The following TENM1 variants were observed in gnomAD, a reference collection of about 807,000 sequenced individuals.
The protein encoded by TENM1 is teneurin-1.
TENM1 carries 35 observed loss-of-function variants against 174.8 expected under a neutral mutation model. That is an observed-to-expected ratio of 0.20 (90% CI 0.15 to 0.27). The LOEUF is 0.27. TENM1 is among the 10% of genes least tolerant of loss of function. The probability of loss-of-function intolerance (pLI) is 1.00; values close to 1 mark genes in which losing one functional copy is unlikely to be tolerated. For missense variants in TENM1, 1,633 were observed against 2,130.1 expected, an observed-to-expected ratio of 0.77 and a Z score of 4.59; for synonymous variants, 781 against 798.7, an observed-to-expected ratio of 0.98 and a Z score of 0.37.
At chrX:125,068,831 CA>C in the TENM1 span, among the ~76,000 whole-genome samples, 1 of 111,888 alleles carries the variant, frequency 8.9e-6, no homozygotes. Context: ...AAGCATTCAA[CA>C]AAGGCATAAG....
chrX:125,019,576 A>C, the TENM1 span, among the ~76,000 whole-genome samples: 2 of 111,117 alleles, frequency 1.8e-5, no homozygotes, highest in African/African-American at 6.5e-5. Flanking sequence ...ATTAATTATT[A>C]TTCAGAACCT....
the TENM1 span, among the ~76,000 whole-genome samples, chrX:125,069,311 G>C: frequency 8.9e-6 from 1 of 111,755 alleles, no homozygotes; most frequent in East Asian, 2.8e-4. Flanking sequence ...CTCCATCCAT[G>C]TTGCTACAAA....
At chrX:124,535,704 C>CA (rs2048191934) in intron 15 of TENM1, among the ~76,000 whole-genome samples, 1 of 112,085 alleles carries the variant, frequency 8.9e-6, no homozygotes, top group South Asian at 3.7e-4. Context: ...ATAGCCAGGG[C>CA]AAAAACTGTG....
chrX:124,630,906 CT>C (rs1368303105), intron 11 of TENM1, among the ~76,000 whole-genome samples: 2 of 111,936 alleles, frequency 1.8e-5, no homozygotes, highest in East Asian at 5.6e-4. Flanking sequence ...TATTTGTACT[CT>C]TTATTTGGCC....
the TENM1 span, among the ~76,000 whole-genome samples, chrX:125,189,665 C>T: frequency 9.0e-6 from 1 of 111,725 alleles, no homozygotes; most frequent in Non-Finnish European, 1.9e-5. Flanking sequence ...TATAACAAAA[C>T]GGTCAGCAGA....
At chrX:124,453,627 G>T in intron 22 of TENM1, 136 bp from the exon 26 acceptor site, 1 of 483,910 alleles carries the variant, frequency 2.1e-6, no homozygotes. Flanking sequence ...GCACAGACAG[G>T]ACAGTAATGG....
chrX:124,410,164 A>G lies in TENM1; in HGVS notation c.4983-3675T>C, dbSNP rs755559671. 1.4e-4 allele frequency among the ~76,000 whole-genome samples: 16 copies of G among 111,736 alleles called. No individual in the cohort carries two copies. In the East Asian group the frequency reaches 3.9e-3, roughly 27 times the overall value. On this transcript the variant is annotated intron_variant, in intron 25 of 31. Transcript: ENST00000422452. ...CCAAAACAGCATGGTACTGGTACCA[A>G]AACAGAGATATTGACCAATGGAACA...
intron 1 of TENM1, among the ~76,000 whole-genome samples, chrX:124,942,276 T>C (rs2058339473): frequency 8.9e-6 from 1 of 111,807 alleles, no homozygotes; most frequent in Non-Finnish European, 1.9e-5. Flanking sequence ...TCTCTTTCTC[T>C]AGATTATTGC....
intron 6 of TENM1, among the ~76,000 whole-genome samples, chrX:124,662,229 C>T (rs2051621460): frequency 1.8e-5 from 2 of 110,045 alleles, no homozygotes; most frequent in Admixed American, 2.0e-4. Context: ...CTGAGACGGG[C>T]GGATCACAAG....
chrX:124,761,853 ATAATTT>A (rs2054426097), intron 3 of TENM1, among the ~76,000 whole-genome samples: 2 of 111,989 alleles, frequency 1.8e-5, no homozygotes, highest in African/African-American at 6.5e-5. Flanking sequence ...TAAATGGATT[ATAATTT>A]TAAACAACTT....
At chrX:125,113,676 A>G in the TENM1 span, among the ~76,000 whole-genome samples, 1 of 111,304 alleles carries the variant, frequency 9.0e-6, no homozygotes, top group Non-Finnish European at 1.9e-5. Context: ...GGCATTACAT[A>G]ATGGTAAAGG....
At chrX:124,551,048 C>A (rs1347264397) in intron 14 of TENM1, among the ~76,000 whole-genome samples, 5 of 112,922 alleles carry the variant, frequency 4.4e-5, no homozygotes, top group Non-Finnish European at 9.4e-5. Flanking sequence ...GCGTAAGCCA[C>A]CGGGCCAGCC....
At chrX:124,589,916 G>A (rs1457107913) in intron 11 of TENM1, among the ~76,000 whole-genome samples, 1 of 110,788 alleles carries the variant, frequency 9.0e-6, no homozygotes, top group Non-Finnish European at 1.9e-5. Flanking sequence ...AATTTATTCA[G>A]TTCTGCTCTG....
intron 7 of TENM1, 83 bp downstream of exon 10, chrX:124,653,501 A>G (rs2051362163): frequency 1.3e-6 from 1 of 769,784 alleles, no homozygotes; most frequent in South Asian, 2.6e-5. Context: ...TGACAACCAC[A>G]TATTTCATAA....
At chrX:125,196,094 A>C in the TENM1 span, among the ~76,000 whole-genome samples, 1 of 111,056 alleles carries the variant, frequency 9.0e-6, no homozygotes, top group East Asian at 2.8e-4. Context: ...ATGTAAGATT[A>C]TTCTCAAGTC....
intron 25 of TENM1, among the ~76,000 whole-genome samples, chrX:124,409,516 C>G (rs1282875451): frequency 3.7e-4 from 31 of 84,100 alleles, no homozygotes; most frequent in African/African-American, 7.6e-4. Flanking sequence ...GTTGGAAGTT[C>G]TGGCCAGGGC....
chrX:124,404,413 G>A (rs2060439229), intron 27 of TENM1, among the ~76,000 whole-genome samples: 2 of 111,570 alleles, frequency 1.8e-5, no homozygotes, highest in Admixed American at 9.5e-5. Context: ...GGTTAACTCT[G>A]GTGAACTGTG....
At chrX:124,737,326 G>A in intron 3 of TENM1, 129 bp from the exon 7 acceptor site, 1 of 734,931 alleles carries the variant, frequency 1.4e-6, no homozygotes, top group Non-Finnish European at 1.9e-6. Flanking sequence ...GTTGTTTTAA[G>A]TTCAGTCTAT....
chrX:125,195,567 T>A, the TENM1 span, among the ~76,000 whole-genome samples: 1 of 111,950 alleles, frequency 8.9e-6, no homozygotes, highest in African/African-American at 3.2e-5. Context: ...AAATGTAGCA[T>A]CCTTATGTTG....
Sources: allele counts gnomAD v4.1 joint callset (sites outside exome capture counted in the v4.1 genomes callset), GRCh38; gene constraint gnomAD v4.1.1; transcripts MANE v1.5; gene names NCBI Gene and HGNC (gene_info 2026-07-23, HGNC 2026-07-21).